Variants in KCNMA1 observed in about 807,000 individuals in gnomAD.
KCNMA1 encodes the protein Calcium-activated potassium channel subunit alpha-1.
KCNMA1 carries 29 observed loss-of-function variants against 140.0 expected under a neutral mutation model. That is an observed-to-expected ratio of 0.21 (90% CI 0.15 to 0.28). The LOEUF (loss-of-function observed/expected upper bound fraction) is 0.28, where lower values mean the gene tolerates loss of function less well. KCNMA1 is among the 10% of genes least tolerant of loss of function. KCNMA1 has a pLI of 1.00. For missense variants in KCNMA1, 880 were observed against 1,602.2 expected, an observed-to-expected ratio of 0.55 and a Z score of 7.70; for synonymous variants, 612 against 611.9, an observed-to-expected ratio of 1.00 and a Z score of 0.00.
chr10:77,183,398 G>T, intron 5 of KCNMA1, 23 bp downstream of exon 5: 2 of 1,503,260 alleles, frequency 1.3e-6, no homozygotes, highest in Admixed American at 1.7e-5. Context: ...CCAGGAAGGA[G>T]AAGGAAAGAG....
chr10:77,533,641 C>A (rs530306285), intron 1 of KCNMA1, among the ~76,000 whole-genome samples: 37 of 152,230 alleles, frequency 2.4e-4, no homozygotes, highest in Middle Eastern at 6.8e-3. Context: ...GCAAGAGTCA[C>A]CAAACTCTGA....
At chr10:77,554,597 C>CAAAAA (rs59754706) in intron 1 of KCNMA1, among the ~76,000 whole-genome samples, 85 of 83,904 alleles carry the variant, frequency 1.0e-3, no homozygotes, top group South Asian at 1.4e-3. Flanking sequence ...TACTCCATCT[C>CAAAAA]AAAAAAAAAA....
At chr10:77,112,495 T>C (rs991215001) in intron 6 of KCNMA1, 53 bp from the exon 7 acceptor site, 2 of 1,406,374 alleles carry the variant, frequency 1.4e-6, no homozygotes, top group African/African-American at 2.8e-5. Context: ...AAGGCCCTGC[T>C]GGGGCTGCCT....
At chr10:77,348,275 G>A (rs903742248) in intron 2 of KCNMA1, among the ~76,000 whole-genome samples, 1 of 152,328 alleles carries the variant, frequency 6.6e-6, no homozygotes, top group South Asian at 2.1e-4. Context: ...TACCAAGTCT[G>A]AGTCATTTAC....
intron 5 of KCNMA1, among the ~76,000 whole-genome samples, chr10:77,161,634 C>T (rs11002051): frequency 0.069 from 10,555 of 152,232 alleles, 461 homozygotes; most frequent in South Asian, 0.15. Context: ...CAATTACTAT[C>T]CTATTAAGCT....
At position 77,291,579 on chromosome 10, in the gene KCNMA1, T is replaced by C. The variant is rs533042066; in HGVS notation, c.541-40323A>G. Among the ~76,000 whole-genome samples the C allele has an allele frequency of 3.3e-5, 5 of 152,262 alleles. No individual in the cohort carries two copies. In the South Asian group the frequency reaches 1.0e-3, roughly 32 times the overall value. ...GCGAAATGTCCCAATAAGAAGGAGATGTATTAATGGGTGGCCAACCACCTC... is the reference window on the plus strand; with the variant it reads ...GCGAAATGTCCCAATAAGAAGGAGACGTATTAATGGGTGGCCAACCACCTC... On this transcript the variant is annotated intron_variant, in intron 2 of 27. Coordinates refer to ENST00000286628, the MANE Select transcript of KCNMA1 (RefSeq NM_001161352.2).
intron 2 of KCNMA1, among the ~76,000 whole-genome samples, chr10:77,378,257 A>C (rs754462524): frequency 6.6e-6 from 1 of 152,124 alleles, no homozygotes; most frequent in Non-Finnish European, 1.5e-5. Context: ...TGAGGTGGTG[A>C]GGTTGCTGCT....
At chr10:76,889,810 C>T in intron 26 of KCNMA1, 1 of 554,672 alleles carries the variant, frequency 1.8e-6, no homozygotes, top group Non-Finnish European at 3.2e-6. Context: ...CAGTTTTCCA[C>T]CTGTCGCAGT....
At chr10:77,087,539 C>T (rs1382412884) in intron 10 of KCNMA1, among the ~76,000 whole-genome samples, 5 of 152,114 alleles carry the variant, frequency 3.3e-5, no homozygotes, top group African/African-American at 1.2e-4. Context: ...TTCTCATCCC[C>T]CAAGGCCTGG....
chr10:77,579,901 A>G (rs1310239274), intron 1 of KCNMA1, among the ~76,000 whole-genome samples: 7 of 152,190 alleles, frequency 4.6e-5, no homozygotes, highest in African/African-American at 1.7e-4. Flanking sequence ...TCTTCCATGA[A>G]CAGCAATTGA....
At chr10:77,101,225 G>T (rs767800240) in intron 9 of KCNMA1, among the ~76,000 whole-genome samples, 61 of 152,054 alleles carry the variant, frequency 4.0e-4, no homozygotes, top group Non-Finnish European at 6.5e-4. Context: ...CACATCAGAA[G>T]ACATGGCATC....
intron 2 of KCNMA1, among the ~76,000 whole-genome samples, chr10:77,393,256 G>C (rs1209701873): frequency 7.2e-6 from 1 of 138,302 alleles, no homozygotes; most frequent in Non-Finnish European, 1.6e-5. Flanking sequence ...AAGATGTCTG[G>C]GTTTGGGGAG....
chr10:76,898,663 A>G (rs1564782301), intron 25 of KCNMA1, among the ~76,000 whole-genome samples: 1 of 151,946 alleles, frequency 6.6e-6, no homozygotes, highest in African/African-American at 2.4e-5. Flanking sequence ...TAAGTATCCT[A>G]TAACTACTAG....
intron 3 of KCNMA1, among the ~76,000 whole-genome samples, chr10:77,193,477 T>A (rs1399188905): frequency 6.6e-6 from 1 of 151,962 alleles, no homozygotes; most frequent in Non-Finnish European, 1.5e-5. Context: ...TAGCCATCCC[T>A]TTTTTTTAGG....
intron 22 of KCNMA1, among the ~76,000 whole-genome samples, chr10:76,948,525 C>T (rs1035116332): frequency 1.3e-5 from 2 of 152,088 alleles, no homozygotes; most frequent in African/African-American, 2.4e-5. Context: ...TGTGGAGTCC[C>T]AGACTGTTTT....
At chr10:77,154,959 T>C (rs1301576694) in intron 5 of KCNMA1, among the ~76,000 whole-genome samples, 1 of 152,098 alleles carries the variant, frequency 6.6e-6, no homozygotes, top group Non-Finnish European at 1.5e-5. Flanking sequence ...GATAGATCAG[T>C]GGAGAACTGA....
Position 77,126,342 on chromosome 10 carries a change from T to C in KCNMA1, c.809-5294A>G, listed in dbSNP as rs567872531. Among the ~76,000 whole-genome samples, 17 of 152,288 alleles carry C rather than the reference T, an allele frequency of 1.1e-4. No individual in the cohort carries two copies. In the East Asian group the frequency reaches 2.3e-3, roughly 21 times the overall value. On this transcript the variant is annotated intron_variant, in intron 5 of 27. Coordinates refer to ENST00000286628, the MANE Select transcript of KCNMA1 (RefSeq NM_001161352.2). ...TCTCTATCTATTCTCTATTATATGA[T>C]CAATTCTTAAAAATGGACTTATCTG...
At chr10:77,218,886 C>T (rs895179659) in intron 3 of KCNMA1, among the ~76,000 whole-genome samples, 2 of 152,124 alleles carry the variant, frequency 1.3e-5, no homozygotes, top group Non-Finnish European at 2.9e-5. Flanking sequence ...GGGATTTCAT[C>T]ATGTTGGCCA....
chr10:76,930,795 G>C (rs887508671), intron 23 of KCNMA1, among the ~76,000 whole-genome samples: 1 of 152,016 alleles, frequency 6.6e-6, no homozygotes, highest in Non-Finnish European at 1.5e-5. Context: ...ATATATAATG[G>C]AATATTATTC....
Sources: gnomAD v4.1 joint callset for allele counts (sites outside exome capture counted in the v4.1 genomes callset) on GRCh38, gnomAD v4.1.1 for gene constraint, MANE v1.5 for transcripts, NCBI Gene and HGNC (gene_info 2026-07-23, HGNC 2026-07-21) for gene names.